The following LRRC49 variants were observed in gnomAD, a reference collection of about 807,000 sequenced individuals.
The protein encoded by LRRC49 is leucine rich repeat containing 49.
In LRRC49, 50 loss-of-function variants were observed where a neutral mutation model predicts 83.3. The ratio of observed to expected loss-of-function variants is 0.60; its 90% CI spans 0.48 to 0.76. The LOEUF (loss-of-function observed/expected upper bound fraction) is 0.76. LRRC49 is among the 30% of genes least tolerant of loss of function. LRRC49 has a pLI of 0.00. For missense variants in LRRC49, 704 were observed against 809.1 expected, an observed-to-expected ratio of 0.87 and a Z score of 1.58; for synonymous variants, 286 against 283.3, an observed-to-expected ratio of 1.01 and a Z score of -0.10.
intron 3 of LRRC49, among the ~76,000 whole-genome samples, chr15:70,897,309 C>G (rs528457878): frequency 6.6e-6 from 1 of 152,036 alleles, no homozygotes; most frequent in Non-Finnish European, 1.5e-5. Flanking sequence ...AAGTTTTATA[C>G]ATAAGTAATG....
intron 1 of LRRC49, among the ~76,000 whole-genome samples, chr15:70,870,483 TTTTTG>T (rs199947721): frequency 1.3e-5 from 2 of 152,104 alleles, no homozygotes; most frequent in Non-Finnish European, 2.9e-5. Context: ...TAGGTAATTG[TTTTTG>T]TTTTGTTTTG....
intron 14 of LRRC49, among the ~76,000 whole-genome samples, chr15:71,013,474 T>C (rs566007209): frequency 3.2e-4 from 49 of 152,294 alleles, no homozygotes; most frequent in Non-Finnish European, 6.2e-4. Flanking sequence ...TATAATTGGA[T>C]TTACATTGTA....
intron 5 of LRRC49, among the ~76,000 whole-genome samples, chr15:70,909,630 A>G (rs1467572951): frequency 1.3e-5 from 2 of 152,078 alleles, no homozygotes; most frequent in South Asian, 4.2e-4. Flanking sequence ...CACCACGTCA[A>G]GAGATCAAGA....
chr15:70,981,891 CT>C (rs11339326), intron 10 of LRRC49, among the ~76,000 whole-genome samples: 82,253 of 112,014 alleles, frequency 0.73, 30,678 homozygotes, highest in East Asian at 0.82. Context: ...TTTGCTTCTT[CT>C]TTTTTTTTTT....
chr15:70,928,673 C>T lies in LRRC49; in HGVS notation c.712-8088C>T, dbSNP rs1280867906. On this transcript the variant is annotated intron_variant, in intron 7 of 15. Transcript: ENST00000260382. ...CTCCACCTCCCGGGTTCAAGTAATT[C>T]TCCTGCCTCAGCCTCCCGAGTAGCT... Among the ~76,000 whole-genome samples the T allele has an allele frequency of 2.0e-5, 3 of 152,098 alleles. No individual in the cohort carries two copies. In the East Asian group the frequency reaches 5.8e-4, roughly 29 times the overall value.
At chr15:70,880,966 G>A (rs549601010) in intron 2 of LRRC49, among the ~76,000 whole-genome samples, 1 of 152,332 alleles carries the variant, frequency 6.6e-6, no homozygotes, top group East Asian at 1.9e-4. Context: ...ACTCATGCCT[G>A]TAATCCCAGC....
chr15:70,893,764 C>A, intron 2 of LRRC49, 124 bp downstream of exon 2: 1 of 719,104 alleles, frequency 1.4e-6, no homozygotes. Context: ...CTTTGATTTC[C>A]AGTTTAAAGC....
intron 2 of LRRC49, among the ~76,000 whole-genome samples, chr15:70,876,606 T>C (rs377155430): frequency 1.4e-4 from 22 of 152,200 alleles, no homozygotes; most frequent in African/African-American, 5.3e-4. Flanking sequence ...ATAGTACTAA[T>C]AGTACTGCCA....
At chr15:70,892,812 G>T (rs529902514), upstream of LRRC49, 2 of 1,613,466 alleles carry the variant, frequency 1.2e-6, no homozygotes, top group Non-Finnish European at 1.7e-6. Flanking sequence ...CCTGGGAGAT[G>T]ACCTCTTTCG....
intron 7 of LRRC49, among the ~76,000 whole-genome samples, chr15:70,928,395 A>G (rs1380515453): frequency 2.0e-5 from 3 of 152,168 alleles, no homozygotes; most frequent in African/African-American, 4.8e-5. Flanking sequence ...TTATTCTACT[A>G]TAAGTTAATT....
intron 11 of LRRC49, among the ~76,000 whole-genome samples, chr15:70,998,554 A>G (rs565076529): frequency 1.3e-5 from 2 of 151,788 alleles, no homozygotes; most frequent in South Asian, 4.2e-4. Flanking sequence ...TGTTTTTCTT[A>G]GTGAGGATCC....
intron 2 of LRRC49, chr15:70,873,332 T>C: frequency 2.4e-6 from 3 of 1,243,884 alleles, no homozygotes; most frequent in East Asian, 2.5e-5. Context: ...AAAGCTATTA[T>C]ACAAGAATGA....
chr15:70,962,635 C>T (rs535348411), intron 8 of LRRC49, among the ~76,000 whole-genome samples: 4 of 152,040 alleles, frequency 2.6e-5, no homozygotes, highest in South Asian at 2.1e-4. Context: ...AAATCCACAT[C>T]GATGGGAACC....
intron 8 of LRRC49, among the ~76,000 whole-genome samples, chr15:70,962,624 A>G (rs1048341978): frequency 2.0e-5 from 3 of 152,188 alleles, no homozygotes; most frequent in Admixed American, 6.5e-5. Context: ...AAAGAAAAAA[A>G]AAATCCACAT....
intron 14 of LRRC49, among the ~76,000 whole-genome samples, chr15:71,030,346 C>A (rs544452282): frequency 7.7e-4 from 117 of 152,300 alleles, no homozygotes; most frequent in Non-Finnish European, 1.4e-3. Context: ...TATAGGCCAC[C>A]ACTCTCTTCT....
chr15:71,036,145 TAAG>T (rs1377193067), intron 14 of LRRC49, among the ~76,000 whole-genome samples: 1 of 152,228 alleles, frequency 6.6e-6, no homozygotes, highest in Non-Finnish European at 1.5e-5. Context: ...TGTCTTCTTT[TAAG>T]AAGTGTTTGT....
intron 8 of LRRC49, among the ~76,000 whole-genome samples, chr15:70,954,342 T>G (rs542457825): frequency 3.3e-5 from 5 of 152,234 alleles, no homozygotes; most frequent in Non-Finnish European, 5.9e-5. Context: ...TGGGTTGTTT[T>G]ACTGTTTTGC....
chr15:70,977,994 T>C (rs1232962723), intron 9 of LRRC49, among the ~76,000 whole-genome samples: 3 of 152,118 alleles, frequency 2.0e-5, no homozygotes, highest in Non-Finnish European at 4.4e-5. Context: ...TTCTTAGTTT[T>C]CTTTTTAAAC....
In LRRC49 at chr15:71,031,727, GAGAAGC is replaced by G. The variant is rs2039358138; in HGVS notation, c.1704-5449_1704-5444del. 1.2e-4 allele frequency among the ~76,000 whole-genome samples: 19 copies of G among 152,246 alleles called. No homozygotes were observed. In the South Asian group the frequency reaches 3.9e-3, roughly 32 times the overall value. ...GCCCTGCCCAGTAAGGAGGAATCTAGAGAAGCAGTCTGGCCAGAGTCACTTTGCCAT... is the reference window on the plus strand; with the variant it reads ...GCCCTGCCCAGTAAGGAGGAATCTAGAGTCTGGCCAGAGTCACTTTGCCAT... On this transcript the variant is annotated intron_variant, in intron 14 of 15. Transcript: ENST00000260382.
Sources: gnomAD v4.1 joint callset for allele counts (sites outside exome capture counted in the v4.1 genomes callset) on GRCh38, gnomAD v4.1.1 for gene constraint, MANE v1.5 for transcripts, NCBI Gene and HGNC (gene_info 2026-07-23, HGNC 2026-07-21) for gene names.